The following ASIP variants were observed in gnomAD, a reference collection of about 807,000 sequenced individuals.
The protein encoded by ASIP is agouti signaling protein.
Under a neutral mutation model 10.3 loss-of-function variants are expected in ASIP, and 11 were observed. The observed-to-expected ratio is 1.07, with a 90% CI of 0.68 to 1.78. ASIP has a LOEUF of 1.78. ASIP is among the 40% of genes most tolerant of loss of function. The pLI, the probability that ASIP is intolerant of heterozygous loss-of-function variation, is 0.00. For synonymous variants in ASIP, 70 were observed against 70.8 expected (o/e 0.99, Z 0.06); for missense variants, 180 against 169.2 (o/e 1.06, Z -0.35).
chr20:34,226,686 TAGAA>T (rs2035095635), intron 1 of ASIP, among the ~76,000 whole-genome samples: 2 of 152,140 alleles, frequency 1.3e-5, no homozygotes, highest in Non-Finnish European at 2.9e-5. Flanking sequence ...AAACTAATAA[TAGAA>T]AGGAACTTCC....
intron 1 of ASIP, among the ~76,000 whole-genome samples, chr20:34,231,718 C>CA (rs1165813972): frequency 6.6e-6 from 1 of 152,060 alleles, no homozygotes; most frequent in East Asian, 1.9e-4. Flanking sequence ...GATACTCTAC[C>CA]AAAAAATATG....
chr20:34,234,313 C>G (rs1402191386), intron 1 of ASIP, among the ~76,000 whole-genome samples: 1 of 152,070 alleles, frequency 6.6e-6, no homozygotes, highest in African/African-American at 2.4e-5. Context: ...ACCACTAGTG[C>G]CTAAGAATCA....
intron 1 of ASIP, among the ~76,000 whole-genome samples, chr20:34,243,996 C>T (rs1254870766): frequency 3.9e-5 from 6 of 152,122 alleles, no homozygotes; most frequent in Non-Finnish European, 5.9e-5. Flanking sequence ...ACCCGGGAAG[C>T]GGAGCTTGCA....
At position 34,269,198 on chromosome 20, in the gene ASIP, G is replaced by A. The variant is rs1220924693; in HGVS notation, c.*31G>A. On this transcript the variant is annotated 3_prime_UTR_variant, in exon 4 of 4. Coordinates refer to ENST00000374954, the MANE Select transcript of ASIP (RefSeq NM_001672.3). ...CCCACTCCCGGCCGCGAGCAGGCAG[G>A]GCTTCGGGGACGCGGGGCGCTTCTC... 2 of 1,459,564 alleles carry A rather than the reference G, an allele frequency of 1.4e-6. No individual in the cohort carries two copies. The highest frequency in any genetic ancestry group is 1.4e-5 in the South Asian group (1 of 71,558). The allele number at this position is 1,459,564 out of a possible 1,614,324, so 90.4% of individuals were successfully genotyped here.
At chr20:34,212,405 A>T (rs2034980235) in intron 1 of ASIP, among the ~76,000 whole-genome samples, 2 of 152,178 alleles carry the variant, frequency 1.3e-5, no homozygotes, top group Admixed American at 1.3e-4. Context: ...TTTGAGAGTA[A>T]ATTTCATACA....
intron 1 of ASIP, among the ~76,000 whole-genome samples, chr20:34,195,305 C>G (rs1568742734): frequency 1.3e-5 from 2 of 152,090 alleles, no homozygotes; most frequent in South Asian, 4.1e-4. Context: ...TAAATGGAAC[C>G]AGGCCCTGGA....
upstream of ASIP, among the ~76,000 whole-genome samples, chr20:34,189,922 C>T (rs945759344): frequency 6.6e-6 from 1 of 152,184 alleles, no homozygotes; most frequent in African/African-American, 2.4e-5. Flanking sequence ...TTCCTCAGCT[C>T]GGTCCGGTGG....
chr20:34,188,981 T>A, the ASIP span, among the ~76,000 whole-genome samples: 1 of 152,116 alleles, frequency 6.6e-6, no homozygotes, highest in African/African-American at 2.4e-5. Flanking sequence ...ACCTAAAGAG[T>A]CATTTTAATG....
Position 34,260,440 on chromosome 20 carries a change from C to G in ASIP, c.66C>G (p.Ser22Arg). ...TCCTCTGCTTCTTCACTGCCAACAG[C>G]CACCTGCCACCTGAGGAGAAGCTCC... ...LVFLCFFTANSHLPPEEKLRD... is the reference protein window; with the variant it reads ...LVFLCFFTANRHLPPEEKLRD... Residue 22 changes from serine to arginine, a missense_variant, in exon 2 of 4, where the codon AGC (serine) becomes AGG (arginine). By Grantham distance (110) the Ser-to-Arg change is moderately radical. Transcript: ENST00000374954. 1 of 1,614,164 alleles carries G rather than the reference C, an allele frequency of 6.2e-7. No homozygotes were observed. The highest frequency in any genetic ancestry group is 8.5e-7 in the Non-Finnish European group (1 of 1,180,014).
chr20:34,207,207 G>A (rs2034943163), intron 1 of ASIP, among the ~76,000 whole-genome samples: 1 of 151,994 alleles, frequency 6.6e-6, no homozygotes, highest in African/African-American at 2.4e-5. Flanking sequence ...AAACATTACT[G>A]CTGATATTTT....
intron 3 of ASIP, 68 bp from the exon 4 acceptor site, chr20:34,268,923 C>G: frequency 6.5e-7 from 1 of 1,538,206 alleles, no homozygotes; most frequent in Non-Finnish European, 8.8e-7. Flanking sequence ...CGAGGAGCTC[C>G]CAGGCAGAGG....
At chr20:34,224,852 T>C (rs2274060) in intron 1 of ASIP, among the ~76,000 whole-genome samples, 16,560 of 148,612 alleles carry the variant, frequency 0.11, 924 homozygotes, top group South Asian at 0.19. Context: ...ACTTTTTCTC[T>C]TTCCTTTGAA....
intron 1 of ASIP, among the ~76,000 whole-genome samples, chr20:34,216,149 C>G (rs1259341630): frequency 3.3e-5 from 5 of 152,268 alleles, no homozygotes; most frequent in Non-Finnish European, 7.3e-5. Context: ...CGCCTCTCGT[C>G]GCTCCGCGTC....
chr20:34,192,462 C>T (rs1167269034), upstream of ASIP, among the ~76,000 whole-genome samples: 1 of 152,070 alleles, frequency 6.6e-6, no homozygotes, highest in Non-Finnish European at 1.5e-5. Context: ...AGCCACCACA[C>T]GCAGCTCAAT....
intron 1 of ASIP, among the ~76,000 whole-genome samples, chr20:34,235,797 G>GAA (rs757228783): frequency 2.1e-5 from 1 of 47,928 alleles, no homozygotes; most frequent in Non-Finnish European, 3.3e-5. Context: ...AAGAAAGAAA[G>GAA]AAAGAAAGAA....
chr20:34,214,256 G>A (rs1056127261), intron 1 of ASIP: 1 of 1,407,224 alleles, frequency 7.1e-7, no homozygotes, highest in Non-Finnish European at 1.0e-6. Context: ...CTTTTGCACT[G>A]GAATGACGCA....
upstream of ASIP, among the ~76,000 whole-genome samples, chr20:34,190,372 A>T (rs1358665936): frequency 6.6e-6 from 1 of 152,182 alleles, no homozygotes; most frequent in Non-Finnish European, 1.5e-5. Context: ...ACATAAGATG[A>T]TATCACCAAA....
upstream of ASIP, among the ~76,000 whole-genome samples, chr20:34,192,315 G>A (rs150643299): frequency 0.01 from 1,574 of 152,282 alleles, 32 homozygotes; most frequent in African/African-American, 0.036. Flanking sequence ...ACAGGCATGA[G>A]CCACTGCTCC....
chr20:34,189,268 G>C, the ASIP span, among the ~76,000 whole-genome samples: 1 of 151,682 alleles, frequency 6.6e-6, no homozygotes, highest in Non-Finnish European at 1.5e-5. Context: ...TTGAGATGGA[G>C]TTTTGCTCTT....
Sources: allele counts gnomAD v4.1 joint callset (sites outside exome capture counted in the v4.1 genomes callset), GRCh38; gene constraint gnomAD v4.1.1; transcripts MANE v1.5; gene names NCBI Gene and HGNC (gene_info 2026-07-23, HGNC 2026-07-21).